Variants in MECOM observed in about 807,000 individuals in gnomAD.
The protein encoded by MECOM is MDS1 and EVI1 complex locus.
In MECOM, 13 loss-of-function variants were observed where a neutral mutation model predicts 116.3. That is an observed-to-expected ratio of 0.11 (90% CI 0.07 to 0.18). The LOEUF (loss-of-function observed/expected upper bound fraction) is 0.18, where lower values mean the gene tolerates loss of function less well. Among genes scored for constraint, MECOM ranks in the 10% least tolerant of loss-of-function variants. The pLI is 1.00. For synonymous variants in MECOM, 528 were observed against 535.2 expected (o/e 0.99, Z 0.19); for missense variants, 1,299 against 1,509.0 (o/e 0.86, Z 2.31).
At chr3:169,343,691 T>C (rs1724923560) in intron 2 of MECOM, among the ~76,000 whole-genome samples, 1 of 152,196 alleles carries the variant, frequency 6.6e-6, no homozygotes. Flanking sequence ...AAACCTTTTA[T>C]GTACTGTACA....
intron 2 of MECOM, among the ~76,000 whole-genome samples, chr3:169,326,664 T>C (rs998428268): frequency 3.3e-5 from 5 of 152,204 alleles, no homozygotes; most frequent in Non-Finnish European, 7.3e-5. Context: ...AACATTTTTT[T>C]GTAGATCAGC....
intron 1 of MECOM, among the ~76,000 whole-genome samples, chr3:169,405,176 G>C (rs755208598): frequency 6.6e-6 from 1 of 151,818 alleles, no homozygotes; most frequent in Non-Finnish European, 1.5e-5. Flanking sequence ...CTATCATCTA[G>C]TCTCTTTCTC....
At chr3:169,564,757 G>C (rs545720737) in intron 1 of MECOM, among the ~76,000 whole-genome samples, 29 of 152,282 alleles carry the variant, frequency 1.9e-4, no homozygotes, top group African/African-American at 7.0e-4. Flanking sequence ...TCAATTTAAA[G>C]AACTCTCTTC....
intron 2 of MECOM, among the ~76,000 whole-genome samples, chr3:169,273,909 C>CTTT (rs545229387): frequency 6.0e-4 from 70 of 117,074 alleles, no homozygotes; most frequent in African/African-American, 1.1e-3. Flanking sequence ...CTCTCCAAAG[C>CTTT]TTTTTTTTTT....
chr3:169,316,557 T>C (rs1719778935), intron 2 of MECOM, among the ~76,000 whole-genome samples: 1 of 151,944 alleles, frequency 6.6e-6, no homozygotes, highest in Non-Finnish European at 1.5e-5. Context: ...TTTAAGAAAA[T>C]ATACTTTTTT....
intron 1 of MECOM, among the ~76,000 whole-genome samples, chr3:169,522,315 G>C (rs1019012123): frequency 1.3e-5 from 2 of 152,288 alleles, no homozygotes; most frequent in Admixed American, 6.5e-5. Context: ...TTTCTTAAGA[G>C]ACCAAAGGGT....
chr3:169,324,999 C>T (rs1389982386), intron 2 of MECOM, among the ~76,000 whole-genome samples: 1 of 152,082 alleles, frequency 6.6e-6, no homozygotes, highest in Non-Finnish European at 1.5e-5. Context: ...CTACTCACAG[C>T]TCATATTTTC....
chr3:169,515,928 G>T (rs957313960), intron 1 of MECOM, among the ~76,000 whole-genome samples: 1 of 152,074 alleles, frequency 6.6e-6, no homozygotes, highest in Non-Finnish European at 1.5e-5. Context: ...TCTGACTGGG[G>T]GGAAAATGCT....
At chr3:169,512,754 C>G (rs1430657461) in intron 1 of MECOM, among the ~76,000 whole-genome samples, 1 of 151,860 alleles carries the variant, frequency 6.6e-6, no homozygotes, top group Non-Finnish European at 1.5e-5. Context: ...CCAGCTCCCC[C>G]TTCCCACTTC....
intron 7 of MECOM, among the ~76,000 whole-genome samples, chr3:169,118,100 TA>T (rs57229109): frequency 3.9e-4 from 58 of 147,362 alleles, no homozygotes; most frequent in Middle Eastern, 7.0e-3. Flanking sequence ...CAATAATAAT[TA>T]AAAAAAAAAA....
At chr3:169,382,859 A>G (rs537499129) in intron 1 of MECOM, among the ~76,000 whole-genome samples, 12 of 110,806 alleles carry the variant, frequency 1.1e-4, no homozygotes, top group Middle Eastern at 7.5e-3. Context: ...CAAAAAAAAA[A>G]AAAAATAAAA....
At chr3:169,194,124 A>T (rs1021686331) in intron 2 of MECOM, among the ~76,000 whole-genome samples, 4 of 152,048 alleles carry the variant, frequency 2.6e-5, no homozygotes, top group African/African-American at 9.7e-5. Context: ...GTACCTTTCA[A>T]GATGAATAAG....
intron 2 of MECOM, among the ~76,000 whole-genome samples, chr3:169,192,116 C>T (rs938401104): frequency 1.3e-5 from 2 of 152,038 alleles, no homozygotes; most frequent in African/African-American, 4.8e-5. Context: ...TTGAGGATCA[C>T]AGCCAACAGT....
intron 1 of MECOM, among the ~76,000 whole-genome samples, chr3:169,580,193 C>T (rs960993505): frequency 2.0e-5 from 3 of 152,072 alleles, no homozygotes; most frequent in Non-Finnish European, 2.9e-5. Flanking sequence ...AATATGGTGG[C>T]GTCGAACAAT....
chr3:169,473,077 G>A (rs184719932), intron 1 of MECOM: 16 of 447,410 alleles, frequency 3.6e-5, no homozygotes, highest in African/African-American at 3.4e-4. Flanking sequence ...GTTTCCAAAA[G>A]GAGGTCCACC....
In MECOM at chr3:169,378,588, AAGTAAGT is replaced by A. The variant is rs1560198864; in HGVS notation, c.375+2592_375+2598del. 9.4e-3 allele frequency among the ~76,000 whole-genome samples: 609 copies of A among 64,448 alleles called. 17 individuals carry two copies. Among genetic ancestry groups the A allele is most frequent in the Non-Finnish European group, 0.015 (418 of 27,234 alleles). 42.3% of individuals were successfully genotyped at this position (64,448 alleles called of 152,430 possible). A position where few individuals can be genotyped will look rare whatever the true frequency, so the allele number is the denominator to read the frequency against. On this transcript the variant is annotated intron_variant, in intron 2 of 16. Transcript: ENST00000651503. Reference sequence around the variant, plus strand: ...AAAGAAAGAAAGAAAGAAAGAAAGTAAGTAAGTAAGTTTGGGGACTTAATACAATATG... The same window carrying A: ...AAAGAAAGAAAGAAAGAAAGAAAGTAAAGTTTGGGGACTTAATACAATATG...
chr3:169,601,780 T>A (rs568347701), intron 1 of MECOM, among the ~76,000 whole-genome samples: 1 of 152,186 alleles, frequency 6.6e-6, no homozygotes, highest in Non-Finnish European at 1.5e-5. Flanking sequence ...AAGACACAAG[T>A]AACACTGATT....
chr3:169,663,025 G>A (rs552537810), intron 1 of MECOM, among the ~76,000 whole-genome samples: 998 of 90,856 alleles, frequency 0.011, 14 homozygotes, highest in African/African-American at 0.039. Context: ...TCACTCTCGC[G>A]CTCTCTCCTC....
intron 2 of MECOM, among the ~76,000 whole-genome samples, chr3:169,339,321 C>T (rs1370643223): frequency 2.6e-5 from 4 of 152,202 alleles, no homozygotes; most frequent in Non-Finnish European, 5.9e-5. Flanking sequence ...TCACCCCAGA[C>T]TTATTGAATC....
Sources: gnomAD v4.1 joint callset for allele counts (sites outside exome capture counted in the v4.1 genomes callset) on GRCh38, gnomAD v4.1.1 for gene constraint, MANE v1.5 for transcripts, NCBI Gene and HGNC (gene_info 2026-07-23, HGNC 2026-07-21) for gene names.